ADAMTS18: variants seen among roughly 807,000 people sequenced by gnomAD.
ADAMTS18 encodes A disintegrin and metalloproteinase with thrombospondin motifs 18.
ADAMTS18 carries 157 observed loss-of-function variants against 165.9 expected under a neutral mutation model. The ratio of observed to expected loss-of-function variants is 0.95; its 90% CI spans 0.83 to 1.08. ADAMTS18 has a LOEUF of 1.08. ADAMTS18 is among the 50% of genes least tolerant of loss of function. The probability of loss-of-function intolerance (pLI) is 0.00; values close to 1 mark genes in which losing one functional copy is unlikely to be tolerated. For synonymous variants in ADAMTS18, 782 were observed against 578.2 expected, an observed-to-expected ratio of 1.35 and a Z score of -5.06; for missense variants, 2,040 against 1,534.0, an observed-to-expected ratio of 1.33 and a Z score of -5.51.
At chr16:77,392,061 C>T (rs896153714) in intron 3 of ADAMTS18, among the ~76,000 whole-genome samples, 3 of 152,178 alleles carry the variant, frequency 2.0e-5, no homozygotes, top group Non-Finnish European at 2.9e-5. Context: ...GCAGAAAAAT[C>T]GAACAACACC....
chr16:77,296,249 A>G (rs1416529194), intron 18 of ADAMTS18, among the ~76,000 whole-genome samples: 1 of 152,182 alleles, frequency 6.6e-6, no homozygotes, highest in African/African-American at 2.4e-5. Flanking sequence ...TTAGTCTTCA[A>G]ACAATAGTGT....
chr16:77,356,282 A>G (rs907698004), intron 8 of ADAMTS18, among the ~76,000 whole-genome samples: 2 of 152,208 alleles, frequency 1.3e-5, no homozygotes, highest in African/African-American at 2.4e-5. Context: ...GCTTTGTTAT[A>G]TTATTTCCTG....
At position 77,409,141 on chromosome 16, in the gene ADAMTS18, G is replaced by A. The variant is rs574932737; in HGVS notation, c.495+22154C>T. ...AGGCATCCACCGGAGGTACTGGAAC[G>A]TATCCTCTGAGGATAATGGGAGGGC... On this transcript the variant is annotated intron_variant, in intron 3 of 22. Transcript: ENST00000282849. Among the ~76,000 whole-genome samples, 7 of 152,224 alleles carry A rather than the reference G, an allele frequency of 4.6e-5. No individual in the cohort carries two copies. In the East Asian group the frequency reaches 7.7e-4, roughly 17 times the overall value.
chr16:77,307,542 G>A lies in ADAMTS18; in HGVS notation c.2533-7138C>T, dbSNP rs115911247. On this transcript the variant is annotated intron_variant, in intron 16 of 22. Coordinates refer to ENST00000282849, the MANE Select transcript of ADAMTS18 (RefSeq NM_199355.4). ...TCAGAGTGTAGTGGGGAGAAATAGT[G>A]TTCTCTAACCCGTCACAAAAGTATT... Among the ~76,000 whole-genome samples the A allele has an allele frequency of 4.2e-3, 640 of 152,328 alleles. 7 individuals are homozygous for A. Among genetic ancestry groups the A allele is most frequent in the African/African-American group, 0.015 (615 of 41,574 alleles).
intron 3 of ADAMTS18, among the ~76,000 whole-genome samples, chr16:77,373,701 C>A (rs1475838125): frequency 6.6e-6 from 1 of 152,052 alleles, no homozygotes; most frequent in South Asian, 2.1e-4. Flanking sequence ...ATCTGTCCCC[C>A]AAAAACCTAT....
At chr16:77,419,670 A>C (rs899216080) in intron 3 of ADAMTS18, among the ~76,000 whole-genome samples, 2 of 152,156 alleles carry the variant, frequency 1.3e-5, no homozygotes, top group South Asian at 4.1e-4. Context: ...TACTTGGAGA[A>C]AGTGTCGGTA....
intron 10 of ADAMTS18, among the ~76,000 whole-genome samples, chr16:77,345,969 C>T (rs2056469432): frequency 1.3e-5 from 2 of 152,192 alleles, no homozygotes; most frequent in African/African-American, 4.8e-5. Flanking sequence ...ACACTGTATC[C>T]TACCAGTTTA....
At chr16:77,347,153 T>C (rs76972878) in intron 10 of ADAMTS18, among the ~76,000 whole-genome samples, 13,414 of 152,314 alleles carry the variant, frequency 0.088, 811 homozygotes, top group East Asian at 0.27. Context: ...TGGAGTTCCA[T>C]TGTATGAATA....
intron 3 of ADAMTS18, among the ~76,000 whole-genome samples, chr16:77,382,311 T>A (rs8050828): frequency 1.3e-5 from 2 of 151,984 alleles, no homozygotes; most frequent in Non-Finnish European, 2.9e-5. Context: ...CCCTGGTTCA[T>A]GCCATTCTCC....
At chr16:77,405,466 T>C (rs746079817) in intron 3 of ADAMTS18, among the ~76,000 whole-genome samples, 2 of 152,196 alleles carry the variant, frequency 1.3e-5, no homozygotes, top group East Asian at 1.9e-4. Context: ...GTTGAGGACA[T>C]AAACCTTAGG....
intron 21 of ADAMTS18, among the ~76,000 whole-genome samples, chr16:77,290,050 G>A (rs1156943506): frequency 6.6e-6 from 1 of 152,028 alleles, no homozygotes; most frequent in Non-Finnish European, 1.5e-5. Context: ...CCTTTAAATG[G>A]ATTTTTCTTA....
intron 16 of ADAMTS18, among the ~76,000 whole-genome samples, chr16:77,302,013 T>TC (rs920629496): frequency 1.3e-5 from 2 of 151,202 alleles, no homozygotes; most frequent in Non-Finnish European, 3.0e-5. Flanking sequence ...GCTTTTTTTT[T>TC]TTTTTTTTTT....
intron 3 of ADAMTS18, among the ~76,000 whole-genome samples, chr16:77,393,826 G>A (rs1306142273): frequency 6.6e-6 from 1 of 152,220 alleles, no homozygotes; most frequent in Non-Finnish European, 1.5e-5. Flanking sequence ...ATGGTCCAAA[G>A]GCCTCTACTG....
chr16:77,367,702 T>A lies in ADAMTS18; in HGVS notation c.517A>T (p.Lys173Ter). 1 of 1,614,228 alleles carries A rather than the reference T, an allele frequency of 6.2e-7. No individual in the cohort carries two copies. The highest frequency in any genetic ancestry group is 8.5e-7 in the Non-Finnish European group (1 of 1,180,028). The change falls in exon 4 of 23, where the codon AAA (lysine) becomes TAA (stop). Residue 173 changes from lysine (K) to a stop codon, truncating the protein, a stop_gained. Transcript: ENST00000282849. LOFTEE classifies it high-confidence loss of function. ...AGLSGLIRTR[K>*]NEFLISPLPQ... Reference sequence around the variant, plus strand: ...AATGGCGAGATGAGGAATTCATTTTTTCGTGTCCTTATTAAACCTGACTAA... The same window carrying A: ...AATGGCGAGATGAGGAATTCATTTTATCGTGTCCTTATTAAACCTGACTAA...
intron 10 of ADAMTS18, among the ~76,000 whole-genome samples, chr16:77,343,031 G>A (rs1285341327): frequency 6.6e-6 from 1 of 151,764 alleles, no homozygotes; most frequent in Non-Finnish European, 1.5e-5. Context: ...CTCCCCTAAG[G>A]CCTTCAAAAC....
At chr16:77,421,505 A>G (rs1024323015) in intron 3 of ADAMTS18, among the ~76,000 whole-genome samples, 1 of 152,232 alleles carries the variant, frequency 6.6e-6, no homozygotes, top group African/African-American at 2.4e-5. Context: ...TAAACTGTTT[A>G]TTGCTGATGG....
chr16:77,411,366 G>A (rs980405112), intron 3 of ADAMTS18, among the ~76,000 whole-genome samples: 1 of 152,110 alleles, frequency 6.6e-6, no homozygotes, highest in Non-Finnish European at 1.5e-5. Flanking sequence ...GGACCACTAG[G>A]GCCATATTGC....
chr16:77,297,543 G>A (rs961582430), intron 17 of ADAMTS18, 128 bp from the exon 18 acceptor site: 2 of 959,778 alleles, frequency 2.1e-6, no homozygotes, highest in African/African-American at 1.6e-5. Context: ...ATATTTTGTG[G>A]AACGCTTCCT....
At chr16:77,403,980 AC>A (rs891015290) in intron 3 of ADAMTS18, among the ~76,000 whole-genome samples, 10 of 150,730 alleles carry the variant, frequency 6.6e-5, no homozygotes, top group Non-Finnish European at 1.5e-4. Context: ...GGAGTTTTAA[AC>A]TGGAAGCAAC....
Sources: allele counts gnomAD v4.1 joint callset (sites outside exome capture counted in the v4.1 genomes callset), GRCh38; gene constraint gnomAD v4.1.1; transcripts MANE v1.5; gene names NCBI Gene and HGNC (gene_info 2026-07-23, HGNC 2026-07-21).